The following SELENOT variants were observed in gnomAD, a reference collection of about 807,000 sequenced individuals.
The protein encoded by SELENOT is thioredoxin reductase-like selenoprotein T.
SELENOT carries 9 observed loss-of-function variants against 24.3 expected under a neutral mutation model. That is an observed-to-expected ratio of 0.37 (90% confidence interval 0.22 to 0.65). The LOEUF (loss-of-function observed/expected upper bound fraction) is 0.65, where lower values mean the gene tolerates loss of function less well. Among genes scored for constraint, SELENOT ranks in the 30% least tolerant of loss-of-function variants. The pLI is 0.60. For synonymous variants in SELENOT, 81 were observed against 86.0 expected (o/e 0.94, Z 0.32); for missense variants, 166 against 247.6 (o/e 0.67, Z 2.21).
chr3:150,607,223 TA>T (rs1379874000), intron 1 of SELENOT, among the ~76,000 whole-genome samples: 5 of 152,240 alleles, frequency 3.3e-5, no homozygotes, highest in African/African-American at 1.2e-4. Flanking sequence ...AGCCAACTTC[TA>T]AATGTAGTTT....
At chr3:150,611,439 GTATC>G (rs1726089547) in intron 1 of SELENOT, 1 of 1,258,648 alleles carries the variant, frequency 7.9e-7, no homozygotes, top group Non-Finnish European at 1.2e-6. Context: ...AGTGTCTTTT[GTATC>G]TCCTAAGTGT....
At chr3:150,621,614 C>CT (rs35489270) in intron 1 of SELENOT, among the ~76,000 whole-genome samples, 29,225 of 80,960 alleles carry the variant, frequency 0.36, 5,125 homozygotes, top group South Asian at 0.48. Context: ...GGCATATTTC[C>CT]TTTTTTTTTT....
At chr3:150,605,807 AGTTT>A (rs941678302) in intron 1 of SELENOT, among the ~76,000 whole-genome samples, 103 of 152,292 alleles carry the variant, frequency 6.8e-4, no homozygotes, top group African/African-American at 2.3e-3. Context: ...TTAATTTGCA[AGTTT>A]GTTTGAGAAA....
intron 1 of SELENOT, among the ~76,000 whole-genome samples, chr3:150,621,767 G>A (rs1489970506): frequency 6.6e-6 from 1 of 151,928 alleles, no homozygotes; most frequent in Non-Finnish European, 1.5e-5. Context: ...CCTTGGCAAA[G>A]TAGAATCAAA....
chr3:150,622,193 G>T (rs1726357646), intron 1 of SELENOT, among the ~76,000 whole-genome samples, 192 bp from the exon 2 acceptor site: 1 of 151,938 alleles, frequency 6.6e-6, no homozygotes. Flanking sequence ...AGGATTTGAG[G>T]GGGTGGTAAC....
intron 1 of SELENOT, among the ~76,000 whole-genome samples, chr3:150,620,128 AGC>A (rs1316805681): frequency 1.3e-5 from 2 of 152,218 alleles, no homozygotes; most frequent in African/African-American, 4.8e-5. Context: ...TAAACACATT[AGC>A]CAGAAAAGTG....
In SELENOT at chr3:150,603,495, A is replaced by T. The variant is rs768062497; in HGVS notation, c.133A>T (p.Ile45Phe). ...CACGGGGCCGCTGCTCAAGTTCCAG[A>T]TTTGGTGAGTATGTGCACTGGGCCC... The part of the protein sequence containing the change: ...YATGPLLKFQ[I>F]CVSUGYRRVF... Residue 45 changes from isoleucine (I) to phenylalanine (F), a missense_variant, in exon 1 of 6, where the codon ATT becomes TTT. Around this residue, in one of 5 missense-constraint regions of SELENOT, gnomAD observed 2 missense variants for 16.0 expected, o/e 0.12. Transcript: ENST00000471696. The T allele has an allele frequency of 6.2e-7, 1 of 1,605,498 alleles. No individual in the cohort carries two copies. The highest frequency in any genetic ancestry group is 1.1e-5 in the South Asian group (1 of 90,604).
rs1042259962 is a variant in SELENOT, at chr3:150,628,373, T to G, written c.*744T>G. On this transcript the variant is annotated 3_prime_UTR_variant, in exon 6 of 6. Transcript: ENST00000471696. The stretch of plus-strand genomic sequence containing the variant: ...AACTAAATAAAAAACTAAGCAGATA[T>G]GAGTTAAATTTAAAAGTTTCAATTT... 23 of 152,662 alleles carry G rather than the reference T, an allele frequency of 1.5e-4. No individual in the cohort carries two copies. Among genetic ancestry groups the G allele is most frequent in the African/African-American group, 4.6e-4 (19 of 41,460 alleles). The allele number at this position is 152,662 out of a possible 1,614,324, so 9.5% of individuals were successfully genotyped here.
rs750881163 is a variant in SELENOT at position 150,623,142 on chromosome 3, C to A, written c.348C>A (p.Ser116Arg). The stretch of plus-strand genomic sequence containing the variant: ...CTTTCTTTGGCATGCAAGCTCCTAG[C>A]ATCTGGCAGTGGGGCCAAGAAAATA... ...PFAFFGMQAP[S>R]IWQWGQENKV... Residue 116 changes from serine to arginine, a missense_variant, in exon 3 of 6, where the codon AGC (serine) becomes AGA (arginine). Ser to Arg is a moderately radical substitution (Grantham distance 110). Coordinates refer to ENST00000471696, the MANE Select transcript of SELENOT (RefSeq NM_016275.5). The A allele has an allele frequency of 3.1e-6, 5 of 1,604,600 alleles. No homozygotes were observed. Among genetic ancestry groups the A allele is most frequent in the Non-Finnish European group, 4.3e-6 (5 of 1,175,770 alleles).
chr3:150,611,408 C>A, intron 1 of SELENOT: 2 of 1,244,774 alleles, frequency 1.6e-6, no homozygotes, highest in Non-Finnish European at 2.4e-6. Flanking sequence ...TTATTAAGTC[C>A]TGGTCTGGTT....
intron 1 of SELENOT, among the ~76,000 whole-genome samples, chr3:150,612,695 G>A (rs968945291): frequency 1.3e-5 from 2 of 152,168 alleles, no homozygotes; most frequent in African/African-American, 4.8e-5. Flanking sequence ...TCCCCTGTTG[G>A]TGAGTCAGAA....
intron 1 of SELENOT, among the ~76,000 whole-genome samples, chr3:150,605,310 C>A (rs1725937977): frequency 6.6e-6 from 1 of 151,734 alleles, no homozygotes; most frequent in Admixed American, 6.6e-5. Context: ...TCCAAAATAC[C>A]CCTTTTACGT....
intron 1 of SELENOT, among the ~76,000 whole-genome samples, chr3:150,612,041 C>CA: frequency 6.6e-6 from 1 of 152,198 alleles, no homozygotes; most frequent in Non-Finnish European, 1.5e-5. Flanking sequence ...GGCCGGGACT[C>CA]AGAGTCGAGC....
Position 150,603,592 on chromosome 3 carries a change from G to T in SELENOT, c.137+93G>T, listed in dbSNP as rs1391322316. Reference sequence around the variant, plus strand: ...CCCCGGCTTCGCGGCCTAAATGGCCGCATCTTCGCTGGCCTCGTAGAACTG... The same window carrying T: ...CCCCGGCTTCGCGGCCTAAATGGCCTCATCTTCGCTGGCCTCGTAGAACTG... On this transcript the variant is annotated intron_variant, in intron 1 of 5. Transcript: ENST00000471696. 12 of 1,363,748 alleles carry T rather than the reference G, an allele frequency of 8.8e-6. No homozygotes were observed. In the East Asian group the frequency reaches 2.6e-4, roughly 29 times the overall value. 84.5% of individuals were successfully genotyped at this position (1,363,748 alleles called of 1,614,324 possible).
At chr3:150,626,848 A>G in intron 4 of SELENOT, 162 bp from the exon 5 acceptor site, 3 of 628,974 alleles carry the variant, frequency 4.8e-6, no homozygotes, top group Non-Finnish European at 8.1e-6. Flanking sequence ...TTCTTTTGAC[A>G]TTTCCCCTAC....
At chr3:150,617,969 G>C (rs1338292411) in intron 1 of SELENOT, among the ~76,000 whole-genome samples, 2 of 152,060 alleles carry the variant, frequency 1.3e-5, no homozygotes, top group African/African-American at 4.8e-5. Context: ...TGATTCTCAT[G>C]CCTCAGCCTC....
In SELENOT at chr3:150,630,222, T is replaced by G. The variant is rs1450486393; in HGVS notation, c.*2593T>G. On this transcript the variant is annotated 3_prime_UTR_variant, in exon 6 of 6. Coordinates refer to ENST00000471696, the MANE Select transcript of SELENOT (RefSeq NM_016275.5). ...GATGATTCTTTTTTACTTTGAATGT[T>G]AATTAGTTTGGGACTTTGATTGGCT... 6.6e-6 allele frequency: 1 copy of G among 152,230 alleles called. No homozygotes were observed. The highest frequency in any genetic ancestry group is 1.5e-5 in the Non-Finnish European group (1 of 68,042). The allele number at this position is 152,230 out of a possible 1,614,324, so 9.4% of individuals were successfully genotyped here. A position where few individuals can be genotyped will look rare whatever the true frequency, so the allele number is the denominator to read the frequency against.
chr3:150,611,476 T>TC (rs1184883430), intron 1 of SELENOT: 2 of 1,188,450 alleles, frequency 1.7e-6, no homozygotes, highest in African/African-American at 3.0e-5. Flanking sequence ...TTGGTATAAA[T>TC]CAACCTCTGG....
At chr3:150,627,197 T>G in intron 5 of SELENOT, 34 bp downstream of exon 5, 1 of 1,475,288 alleles carries the variant, frequency 6.8e-7, no homozygotes, top group Non-Finnish European at 9.2e-7. Flanking sequence ...ATGTATAGGT[T>G]TCTGTTGATT....
Sources: allele counts gnomAD v4.1 joint callset (sites outside exome capture counted in the v4.1 genomes callset), GRCh38; gene constraint gnomAD v4.1.1; regional missense constraint gnomAD v4.1.1; transcripts MANE v1.5; gene names NCBI Gene and HGNC (gene_info 2026-07-23, HGNC 2026-07-21).